The following KCNMA1 variants were observed in gnomAD, a reference collection of about 807,000 sequenced individuals.
KCNMA1 encodes the protein potassium calcium-activated channel subfamily M alpha 1.
Under a neutral mutation model 140.0 loss-of-function variants are expected in KCNMA1, and 29 were observed. The observed-to-expected ratio is 0.21, with a 90% confidence interval of 0.15 to 0.28. KCNMA1 has a LOEUF of 0.28. Among genes scored for constraint, KCNMA1 ranks in the 10% least tolerant of loss-of-function variants. The pLI is 1.00. For missense variants in KCNMA1, 880 were observed against 1,602.2 expected (o/e 0.55, Z 7.70); for synonymous variants, 612 against 611.9 (o/e 1.00, Z 0.00).
chr10:76,944,095 T>C (rs529493015), intron 23 of KCNMA1, among the ~76,000 whole-genome samples: 31 of 152,306 alleles, frequency 2.0e-4, no homozygotes, highest in Admixed American at 1.6e-3. Context: ...ACAGAGGTCA[T>C]TTTTTATGAA....
At chr10:77,344,381 A>T (rs2091695769) in intron 2 of KCNMA1, among the ~76,000 whole-genome samples, 1 of 152,200 alleles carries the variant, frequency 6.6e-6, no homozygotes, top group Non-Finnish European at 1.5e-5. Context: ...CAAGGTGAAA[A>T]GGAGGATTAA....
At chr10:76,958,464 G>C (rs1011033203) in intron 20 of KCNMA1, among the ~76,000 whole-genome samples, 1 of 152,188 alleles carries the variant, frequency 6.6e-6, no homozygotes, top group African/African-American at 2.4e-5. Flanking sequence ...TATATCTGCT[G>C]TTTCATTTTT....
At chr10:76,993,948 G>A (rs1191642706) in intron 19 of KCNMA1, among the ~76,000 whole-genome samples, 4 of 152,188 alleles carry the variant, frequency 2.6e-5, no homozygotes, top group Non-Finnish European at 5.9e-5. Flanking sequence ...TTATCTCGAG[G>A]TTTCATTACC....
At chr10:76,911,288 A>G (rs1189443985) in intron 24 of KCNMA1, 1 of 152,216 alleles carries the variant, frequency 6.6e-6, no homozygotes, top group Non-Finnish European at 1.5e-5. Context: ...AGTATTTTAA[A>G]ATGACATCAT....
At chr10:77,014,582 C>T (rs892032771) in intron 17 of KCNMA1, among the ~76,000 whole-genome samples, 1 of 152,126 alleles carries the variant, frequency 6.6e-6, no homozygotes, top group Non-Finnish European at 1.5e-5. Context: ...CTCCCCAATC[C>T]CTCCCAACCC....
At chr10:77,472,009 CAT>C (rs1294335623) in intron 1 of KCNMA1, among the ~76,000 whole-genome samples, 2 of 144,034 alleles carry the variant, frequency 1.4e-5, no homozygotes, top group Non-Finnish European at 3.0e-5. Context: ...ACCACACACA[CAT>C]ACACCACACA....
intron 17 of KCNMA1, 188 bp from the exon 18 acceptor site, chr10:77,012,231 A>G (rs996661544): frequency 2.0e-6 from 3 of 1,473,668 alleles, no homozygotes; most frequent in African/African-American, 2.8e-5. Context: ...CAAACACAGG[A>G]TTCTGTGATT....
At chr10:77,634,656 G>A (rs933259727) in intron 1 of KCNMA1, 1 of 985,272 alleles carries the variant, frequency 1.0e-6, no homozygotes, top group Middle Eastern at 5.2e-4. Flanking sequence ...TGGAAAGGCA[G>A]CCTATGTTTT....
chr10:77,416,944 A>G (rs189444861), intron 1 of KCNMA1, among the ~76,000 whole-genome samples: 142 of 152,256 alleles, frequency 9.3e-4, no homozygotes, highest in Non-Finnish European at 1.5e-3. Flanking sequence ...CAAACTCCTC[A>G]AGGCCTGATC....
intron 8 of KCNMA1, 21 bp downstream of exon 8, chr10:77,110,152 A>C (rs1251400944): frequency 6.2e-7 from 1 of 1,602,356 alleles, no homozygotes; most frequent in Non-Finnish European, 8.6e-7. Context: ...AATCAACATC[A>C]TAATAAAGAT....
chr10:77,532,703 A>C (rs1434269237), intron 1 of KCNMA1, among the ~76,000 whole-genome samples: 1 of 152,262 alleles, frequency 6.6e-6, no homozygotes, highest in Non-Finnish European at 1.5e-5. Flanking sequence ...GATTTACAGA[A>C]GAATTTTACA....
At chr10:77,459,557 T>C (rs2097821881) in intron 1 of KCNMA1, among the ~76,000 whole-genome samples, 1 of 152,232 alleles carries the variant, frequency 6.6e-6, no homozygotes, top group Admixed American at 6.5e-5. Flanking sequence ...AGAGACACAG[T>C]TGGAGACTGA....
chr10:77,412,224 G>C (rs1566675602), intron 1 of KCNMA1, among the ~76,000 whole-genome samples: 2 of 152,204 alleles, frequency 1.3e-5, no homozygotes, highest in African/African-American at 4.8e-5. Context: ...TGTGAGAGAA[G>C]GAAGGGCCTC....
intron 1 of KCNMA1, among the ~76,000 whole-genome samples, chr10:77,567,157 T>G (rs2154560073): frequency 6.6e-6 from 1 of 152,318 alleles, no homozygotes; most frequent in East Asian, 1.9e-4. Context: ...GATTGGGCCC[T>G]GAGCCCTACA....
intron 2 of KCNMA1, among the ~76,000 whole-genome samples, chr10:77,393,516 C>A (rs926831808): frequency 1.3e-5 from 2 of 152,196 alleles, no homozygotes; most frequent in Non-Finnish European, 2.9e-5. Flanking sequence ...GATGAGGAAA[C>A]TGAGGTATGA....
chr10:77,453,658 G>A (rs1163039748), intron 1 of KCNMA1, among the ~76,000 whole-genome samples: 1 of 152,122 alleles, frequency 6.6e-6, no homozygotes, highest in Non-Finnish European at 1.5e-5. Context: ...AGGAGATGAA[G>A]GCTGGATTCC....
At chr10:77,139,300 A>C (rs1343678284) in intron 5 of KCNMA1, among the ~76,000 whole-genome samples, 1 of 152,154 alleles carries the variant, frequency 6.6e-6, no homozygotes, top group Non-Finnish European at 1.5e-5. Context: ...ATTCTCTCCA[A>C]GGCCAGATGT....
chr10:77,035,399 C>T (rs142114967), intron 15 of KCNMA1, among the ~76,000 whole-genome samples: 2 of 152,296 alleles, frequency 1.3e-5, no homozygotes, highest in African/African-American at 4.8e-5. Context: ...GTGCATCTAC[C>T]ACAGCACTTA....
intron 1 of KCNMA1, among the ~76,000 whole-genome samples, chr10:77,427,207 G>A (rs1222827741): frequency 2.0e-5 from 3 of 152,206 alleles, no homozygotes; most frequent in Non-Finnish European, 2.9e-5. Flanking sequence ...CCAGAGCCCT[G>A]AGCCTGGCTG....
Sources: gnomAD v4.1 joint callset for allele counts (sites outside exome capture counted in the v4.1 genomes callset) on GRCh38, gnomAD v4.1.1 for gene constraint, MANE v1.5 for transcripts, NCBI Gene and HGNC (gene_info 2026-07-23, HGNC 2026-07-21) for gene names.